ATF6: variants seen among roughly 807,000 people sequenced by gnomAD.
ATF6 encodes the protein activating transcription factor 6, also known as cyclic AMP-dependent transcription factor ATF-6 alpha.
ATF6 carries 53 observed loss-of-function variants against 83.6 expected under a neutral mutation model. That is an observed-to-expected ratio of 0.63 (90% CI 0.51 to 0.80). The LOEUF is 0.80. Among genes scored for constraint, ATF6 ranks in the 30% least tolerant of loss-of-function variants. ATF6 has a pLI of 0.00. For synonymous variants in ATF6, 288 were observed against 285.8 expected (o/e 1.01, Z -0.08); for missense variants, 744 against 797.9 (o/e 0.93, Z 0.81).
chr1:161,780,140 T>G (rs2101725717), intron 2 of ATF6, among the ~76,000 whole-genome samples: 1 of 152,242 alleles, frequency 6.6e-6, no homozygotes, highest in South Asian at 2.1e-4. Flanking sequence ...TACTTTTTTT[T>G]CATGTGCACT....
At chr1:161,932,435 T>C (rs1387999196) in intron 15 of ATF6, among the ~76,000 whole-genome samples, 1 of 152,132 alleles carries the variant, frequency 6.6e-6, no homozygotes, top group Non-Finnish European at 1.5e-5. Flanking sequence ...TTTTTGACTG[T>C]CCCTTCCAAA....
intron 10 of ATF6, among the ~76,000 whole-genome samples, chr1:161,848,735 C>T (rs540158835): frequency 1.1e-3 from 164 of 152,236 alleles, no homozygotes; most frequent in African/African-American, 3.7e-3. Flanking sequence ...AGCTCCCTAG[C>T]ACTGTCCTTT....
chr1:161,903,838 C>G (rs1243056422), intron 14 of ATF6, among the ~76,000 whole-genome samples: 4 of 152,158 alleles, frequency 2.6e-5, no homozygotes, highest in African/African-American at 7.2e-5. Context: ...CTGTCTGTGC[C>G]ACTCTGGCCA....
chr1:161,845,095 A>G (rs760388517), intron 9 of ATF6, among the ~76,000 whole-genome samples: 77 of 152,314 alleles, frequency 5.1e-4, no homozygotes, highest in Non-Finnish European at 9.9e-4. Flanking sequence ...CTGGGTAGCA[A>G]TGATTTCTGG....
chr1:161,865,545 G>A (rs79700652), intron 14 of ATF6, among the ~76,000 whole-genome samples: 1,981 of 152,228 alleles, frequency 0.013, 48 homozygotes, highest in African/African-American at 0.044. Flanking sequence ...TTTTGCATTT[G>A]TAAAAAGTGA....
At chr1:161,774,903 G>A (rs929576071) in intron 1 of ATF6, among the ~76,000 whole-genome samples, 3 of 152,064 alleles carry the variant, frequency 2.0e-5, no homozygotes, top group Admixed American at 2.0e-4. Flanking sequence ...TGTCTCTAAT[G>A]TCCTTGACAG....
chr1:161,817,499 C>T (rs532844567), intron 7 of ATF6, among the ~76,000 whole-genome samples: 1 of 152,002 alleles, frequency 6.6e-6, no homozygotes, highest in Admixed American at 6.6e-5. Context: ...TGCCATTGCT[C>T]TTTGTATGTG....
intron 3 of ATF6, 149 bp downstream of exon 3, chr1:161,782,148 A>G (rs1416040484): frequency 1.7e-6 from 1 of 581,904 alleles, no homozygotes; most frequent in Non-Finnish European, 3.0e-6. Flanking sequence ...TATGGCAATT[A>G]TGTAAACAAA....
At chr1:161,782,947 C>G (rs1211836103) in intron 3 of ATF6, among the ~76,000 whole-genome samples, 2 of 152,184 alleles carry the variant, frequency 1.3e-5, no homozygotes, top group Non-Finnish European at 2.9e-5. Flanking sequence ...CAGACCACAA[C>G]TGGGGAGATT....
chr1:161,817,182 A>T (rs531033022), intron 7 of ATF6, among the ~76,000 whole-genome samples: 14 of 152,360 alleles, frequency 9.2e-5, no homozygotes, highest in African/African-American at 3.4e-4. Context: ...GTTTATAGAA[A>T]TGCCTAATCC....
At chr1:161,798,542 G>A (rs1437330783) in intron 6 of ATF6, among the ~76,000 whole-genome samples, 1 of 152,176 alleles carries the variant, frequency 6.6e-6, no homozygotes, top group Non-Finnish European at 1.5e-5. Context: ...AACCCAGGAG[G>A]CGGCAGGTGC....
chr1:161,817,903 C>G (rs969910338), intron 7 of ATF6, among the ~76,000 whole-genome samples: 1 of 151,978 alleles, frequency 6.6e-6, no homozygotes, highest in Non-Finnish European at 1.5e-5. Flanking sequence ...TGAGACCATC[C>G]TGGCTAACAC....
At chr1:161,799,400 A>C (rs1273053139) in intron 6 of ATF6, among the ~76,000 whole-genome samples, 6 of 152,190 alleles carry the variant, frequency 3.9e-5, no homozygotes, top group Admixed American at 3.3e-4. Context: ...AGACATAAAA[A>C]GGGGACAATA....
Position 161,958,533 on chromosome 1 carries a change from C to G in ATF6, c.1892C>G (p.Ser631Trp). 1.9e-6 allele frequency: 3 copies of G among 1,613,828 alleles called. No individual in the cohort carries two copies. Among genetic ancestry groups the G allele is most frequent in the Non-Finnish European group, 1.7e-6 (2 of 1,179,848 alleles). ...ACCAGGATCCTCCATATCAAAAGTTCGTCAGTTCCTCCTTACCTCCGAGAT... is the reference window on the plus strand; with the variant it reads ...ACCAGGATCCTCCATATCAAAAGTTGGTCAGTTCCTCCTTACCTCCGAGAT... ...MDTRILHIKS[S>W]SVPPYLRDQQ... Residue 631 changes from serine to tryptophan, a missense_variant, in exon 16 of 16, where the codon TCG becomes TGG. By Grantham distance (177) the Ser-to-Trp change is radical. Transcript: ENST00000367942.
At chr1:161,890,613 G>A (rs1295479259) in intron 14 of ATF6, among the ~76,000 whole-genome samples, 2 of 152,224 alleles carry the variant, frequency 1.3e-5, no homozygotes, top group African/African-American at 2.4e-5. Flanking sequence ...GTGGAAGGGC[G>A]GCTTCGGGAA....
chr1:161,827,744 G>A (rs779024707), intron 9 of ATF6, among the ~76,000 whole-genome samples: 3 of 152,086 alleles, frequency 2.0e-5, no homozygotes, highest in Non-Finnish European at 4.4e-5. Context: ...TATATCTAAT[G>A]TATAAAGTAA....
At chr1:161,866,876 T>G (rs1197142790) in intron 14 of ATF6, among the ~76,000 whole-genome samples, 2 of 152,124 alleles carry the variant, frequency 1.3e-5, no homozygotes, top group Non-Finnish European at 2.9e-5. Flanking sequence ...GTCTCCAGAG[T>G]ATCTGGGACT....
intron 14 of ATF6, among the ~76,000 whole-genome samples, chr1:161,905,826 G>GT (rs1687867396): frequency 6.6e-6 from 1 of 151,230 alleles, no homozygotes; most frequent in Non-Finnish European, 1.5e-5. Flanking sequence ...TTGTTGTTTT[G>GT]TTTTTTGTTT....
chr1:161,785,312 T>G (rs1684719885), intron 4 of ATF6, among the ~76,000 whole-genome samples: 1 of 152,214 alleles, frequency 6.6e-6, no homozygotes, highest in Non-Finnish European at 1.5e-5. Flanking sequence ...GTTCAAAAAC[T>G]ACTTCCTTTA....
Sources: allele counts gnomAD v4.1 joint callset (sites outside exome capture counted in the v4.1 genomes callset), GRCh38; gene constraint gnomAD v4.1.1; transcripts MANE v1.5; gene names NCBI Gene and HGNC (gene_info 2026-07-23, HGNC 2026-07-21).